Variants in TBC1D19 observed in about 807,000 individuals in gnomAD.
TBC1D19 encodes TBC1 domain family, member 19.
In TBC1D19, 60 loss-of-function variants were observed where a neutral mutation model predicts 89.0. The ratio of observed to expected loss-of-function variants is 0.67; its 90% CI spans 0.55 to 0.84. The LOEUF (loss-of-function observed/expected upper bound fraction) is 0.84. TBC1D19 is among the 40% of genes least tolerant of loss of function. The pLI is 0.00. For missense variants in TBC1D19, 500 were observed against 610.8 expected, an observed-to-expected ratio of 0.82 and a Z score of 1.91; for synonymous variants, 189 against 199.7, an observed-to-expected ratio of 0.95 and a Z score of 0.45.
At chr4:26,654,250 G>T (rs1301329399) in intron 7 of TBC1D19, among the ~76,000 whole-genome samples, 1 of 152,184 alleles carries the variant, frequency 6.6e-6, no homozygotes, top group Non-Finnish European at 1.5e-5. Context: ...TCTGCTGTTA[G>T]TCTGATGGGC....
chr4:26,835,107 G>C, the TBC1D19 span, among the ~76,000 whole-genome samples: 1 of 152,176 alleles, frequency 6.6e-6, no homozygotes, highest in Admixed American at 6.5e-5. Flanking sequence ...ATAAGTTAAG[G>C]ATCTTGATGG....
At chr4:26,835,020 G>A in the TBC1D19 span, among the ~76,000 whole-genome samples, 2 of 152,206 alleles carry the variant, frequency 1.3e-5, no homozygotes, top group Admixed American at 6.5e-5. Flanking sequence ...GGCCTCCAAA[G>A]ATGTCCACCT....
At position 26,644,235 on chromosome 4, in the gene TBC1D19, C is replaced by T. The variant is rs149870016; in HGVS notation, c.480+4048C>T. Among the ~76,000 whole-genome samples, 589 of 152,150 alleles carry T rather than the reference C, an allele frequency of 3.9e-3. 2 individuals are homozygous for T. Among genetic ancestry groups the T allele is most frequent in the African/African-American group, 0.013 (558 of 41,532 alleles). On this transcript the variant is annotated intron_variant, in intron 7 of 20. Transcript: ENST00000264866. ...AAAAGCTTATCCACCAAGATCAAGTCGGTTTCATCCCTGGGATGCAAGGCT... is the reference window on the plus strand; with the variant it reads ...AAAAGCTTATCCACCAAGATCAAGTTGGTTTCATCCCTGGGATGCAAGGCT...
intron 11 of TBC1D19, among the ~76,000 whole-genome samples, chr4:26,679,527 G>A (rs1302745469): frequency 6.6e-6 from 1 of 152,200 alleles, no homozygotes; most frequent in Non-Finnish European, 1.5e-5. Flanking sequence ...AGAACCTCTG[G>A]TAGGGCAGTA....
In TBC1D19 at chr4:26,659,596, G is replaced by C; in HGVS notation, c.481-1G>C. 6.4e-7 allele frequency: 1 copy of C among 1,569,016 alleles called. No homozygotes were observed. The highest frequency in any genetic ancestry group is 8.7e-7 in the Non-Finnish European group (1 of 1,146,732). On this transcript the variant is annotated splice_acceptor_variant, in intron 7 of 20. Transcript: ENST00000264866. LOFTEE classifies it high-confidence loss of function. ...CAATTTTGTTGGATTTGTTTTTAAA[G>C]GTATTAATTAATCTTCGCAACCCAA...
chr4:26,753,970 AG>A, intron 20 of TBC1D19, 80 bp downstream of exon 20: 1 of 1,467,852 alleles, frequency 6.8e-7, no homozygotes, highest in Non-Finnish European at 9.5e-7. Flanking sequence ...TCTGTTGCAT[AG>A]GACACGCGTT....
intron 3 of TBC1D19, among the ~76,000 whole-genome samples, chr4:26,619,870 G>A (rs1220432273): frequency 6.6e-6 from 1 of 152,090 alleles, no homozygotes; most frequent in African/African-American, 2.4e-5. Flanking sequence ...ACATGTTTTT[G>A]TCCCACTTTG....
At chr4:26,619,578 A>G (rs1463583290) in intron 3 of TBC1D19, among the ~76,000 whole-genome samples, 1 of 152,218 alleles carries the variant, frequency 6.6e-6, no homozygotes, top group Admixed American at 6.5e-5. Context: ...GGTATATTGG[A>G]CAATGTGAGA....
At chr4:26,756,242 C>T (rs1377047673), downstream of TBC1D19, among the ~76,000 whole-genome samples, 2 of 152,166 alleles carry the variant, frequency 1.3e-5, no homozygotes, top group African/African-American at 4.8e-5. Flanking sequence ...TAATCCTATG[C>T]TTTGTCATTC....
In TBC1D19 at chr4:26,683,655, TG is replaced by T. The variant is rs1325434864; in HGVS notation, c.817-19del. The T allele has an allele frequency of 1.3e-6, 2 of 1,591,140 alleles. No homozygotes were observed. Among genetic ancestry groups the T allele is most frequent in the Admixed American group, 1.8e-5 (1 of 56,900 alleles). On this transcript the variant is annotated intron_variant, in intron 11 of 20. Coordinates refer to ENST00000264866, the MANE Select transcript of TBC1D19 (RefSeq NM_018317.4). ...AAATGTGATTGACCTTTAATTTTTT[TG>T]TTTTACTTTTAAATTTAGGATGTCT...
Position 26,666,385 on chromosome 4 carries a change from A to G in TBC1D19, c.644A>G (p.Asp215Gly). The change falls in exon 9 of 21, where the codon GAT becomes GGT. Residue 215 changes from aspartate to glycine, a missense_variant. Around this residue, in one of 2 missense-constraint regions of TBC1D19, gnomAD observed 280 missense variants for 291.7 expected, o/e 0.96. Transcript: ENST00000264866. ...AATATAGGACAACTGGGTATAGATGATTCTACACAAGTGCCTCCTGGTTAG... is the reference window on the plus strand; with the variant it reads ...AATATAGGACAACTGGGTATAGATGGTTCTACACAAGTGCCTCCTGGTTAG... ...GLNIGQLGID[D>G]STQVPPELFE... 1 of 1,610,242 alleles carries G rather than the reference A, an allele frequency of 6.2e-7. No individual in the cohort carries two copies. Among genetic ancestry groups the G allele is most frequent in the Non-Finnish European group, 8.5e-7 (1 of 1,177,734 alleles).
chr4:26,852,386 C>G, the TBC1D19 span, among the ~76,000 whole-genome samples: 1 of 152,008 alleles, frequency 6.6e-6, no homozygotes, highest in Non-Finnish European at 1.5e-5. Flanking sequence ...CAACTCCTAT[C>G]TCTACAAAAA....
intron 4 of TBC1D19, among the ~76,000 whole-genome samples, chr4:26,635,918 A>G (rs1304448691): frequency 6.6e-6 from 1 of 152,156 alleles, no homozygotes; most frequent in Non-Finnish European, 1.5e-5. Flanking sequence ...AGCAAATTTC[A>G]GATAAAGACT....
At chr4:26,839,124 A>G in the TBC1D19 span, among the ~76,000 whole-genome samples, 1 of 152,212 alleles carries the variant, frequency 6.6e-6, no homozygotes, top group Non-Finnish European at 1.5e-5. Context: ...GGGCTGTCAA[A>G]TAGTTTCCTG....
chr4:26,822,379 G>A, the TBC1D19 span, among the ~76,000 whole-genome samples: 21 of 152,302 alleles, frequency 1.4e-4, no homozygotes, highest in East Asian at 1.9e-4. Flanking sequence ...TGTTTTTCTT[G>A]CTAACCCAAC....
intron 13 of TBC1D19, among the ~76,000 whole-genome samples, chr4:26,715,269 G>A (rs918745550): frequency 2.6e-5 from 4 of 151,894 alleles, no homozygotes; most frequent in African/African-American, 4.8e-5. Context: ...TGTTCCACTC[G>A]CTGAGATCAA....
At chr4:26,689,187 A>G (rs1188794384) in intron 13 of TBC1D19, among the ~76,000 whole-genome samples, 2 of 152,150 alleles carry the variant, frequency 1.3e-5, no homozygotes, top group African/African-American at 4.8e-5. Context: ...GCTAAAGTAT[A>G]AAGACTTTAT....
the TBC1D19 span, among the ~76,000 whole-genome samples, chr4:26,764,959 T>C: frequency 6.6e-6 from 1 of 151,924 alleles, no homozygotes; most frequent in Admixed American, 6.6e-5. Flanking sequence ...TGAAATAGGG[T>C]AGAAGAAAAT....
chr4:26,831,770 T>A, the TBC1D19 span, among the ~76,000 whole-genome samples: 1 of 152,006 alleles, frequency 6.6e-6, no homozygotes, highest in Non-Finnish European at 1.5e-5. Context: ...TTTTTGTATT[T>A]TTAGTAGAGA....
Sources: allele counts gnomAD v4.1 joint callset (sites outside exome capture counted in the v4.1 genomes callset), GRCh38; gene constraint gnomAD v4.1.1; regional missense constraint gnomAD v4.1.1; transcripts MANE v1.5; gene names NCBI Gene and HGNC (gene_info 2026-07-23, HGNC 2026-07-21).